The following ITGA9 variants were observed in gnomAD, a reference collection of about 807,000 sequenced individuals.
ITGA9 encodes integrin alpha-9.
A neutral mutation model predicts 127.8 loss-of-function variants in ITGA9; 56 were observed. That is an observed-to-expected ratio of 0.44 (90% CI 0.35 to 0.55). The LOEUF is 0.55. Ranked by LOEUF, ITGA9 falls within the 20% of genes least tolerant of loss-of-function variation. ITGA9 has a pLI of 0.00. For missense variants in ITGA9, 1,196 were observed against 1,347.1 expected, an observed-to-expected ratio of 0.89 and a Z score of 1.76; for synonymous variants, 508 against 514.5, an observed-to-expected ratio of 0.99 and a Z score of 0.17.
chr3:37,735,438 CGT>C (rs1696348272), intron 19 of ITGA9, among the ~76,000 whole-genome samples: 1 of 152,108 alleles, frequency 6.6e-6, no homozygotes, highest in African/African-American at 2.4e-5. Flanking sequence ...GACCAATGTC[CGT>C]TGCTTTCAGG....
At position 37,593,537 on chromosome 3, in the gene ITGA9, G is replaced by C. The variant is rs1463964340; in HGVS notation, c.1690-35650G>C. Among the ~76,000 whole-genome samples the C allele has an allele frequency of 2.0e-5, 3 of 152,172 alleles. No individual in the cohort carries two copies. The South Asian group carries it at 6.2e-4, about 32-fold the overall frequency. On this transcript the variant is annotated intron_variant, in intron 15 of 27. Transcript: ENST00000264741. Reference sequence around the variant, plus strand: ...TCCTGGCTTAGAGACGGCCACCTTCGTGCTATGTCCTCACATGGCAGGGAG... The same window carrying C: ...TCCTGGCTTAGAGACGGCCACCTTCCTGCTATGTCCTCACATGGCAGGGAG...
chr3:37,643,166 A>T (rs988201823), intron 16 of ITGA9, among the ~76,000 whole-genome samples: 3 of 152,088 alleles, frequency 2.0e-5, no homozygotes, highest in African/African-American at 7.2e-5. Flanking sequence ...GCAGGAGGGG[A>T]AAGGGGTGTT....
At position 37,820,238 on chromosome 3, in the gene ITGA9, C is replaced by G. The variant is rs1170601047; in HGVS notation, c.*1249C>G. ...CCATGAAGTTTAGCCTCAGCCTGAT[C>G]AGGGGAACTCCGGAGGAAAAGTTAG... On this transcript the variant is annotated 3_prime_UTR_variant, in exon 28 of 28. Coordinates refer to ENST00000264741, the MANE Select transcript of ITGA9 (RefSeq NM_002207.3). The G allele has an allele frequency of 6.6e-6, 1 of 152,180 alleles. No homozygotes were observed. The highest frequency in any genetic ancestry group is 1.5e-5 in the Non-Finnish European group (1 of 68,038). 9.4% of individuals were successfully genotyped at this position (152,180 alleles called of 1,614,324 possible). A position where few individuals can be genotyped will look rare whatever the true frequency, so the allele number is the denominator to read the frequency against.
chr3:37,748,076 TG>T, intron 22 of ITGA9: 1 of 407,378 alleles, frequency 2.5e-6, no homozygotes, highest in South Asian at 1.9e-5. Flanking sequence ...TTCGGCCTTT[TG>T]GCCAGAACCA....
At chr3:37,815,418 G>A (rs1697418928) in intron 27 of ITGA9, among the ~76,000 whole-genome samples, 1 of 152,118 alleles carries the variant, frequency 6.6e-6, no homozygotes, top group South Asian at 2.1e-4. Context: ...AGACCAGCCT[G>A]GCCAACAAGA....
intron 18 of ITGA9, among the ~76,000 whole-genome samples, chr3:37,728,830 G>T (rs1321023804): frequency 6.6e-6 from 1 of 151,794 alleles, no homozygotes; most frequent in Non-Finnish European, 1.5e-5. Context: ...GGACTCTCAT[G>T]AAGGGGATTT....
chr3:37,759,907 A>T (rs762899895), intron 23 of ITGA9, among the ~76,000 whole-genome samples: 9 of 149,144 alleles, frequency 6.0e-5, no homozygotes, highest in Non-Finnish European at 1.3e-4. Flanking sequence ...CCATCTCAAA[A>T]AAAAAACAAC....
At chr3:37,472,611 G>A (rs956651379) in intron 2 of ITGA9, among the ~76,000 whole-genome samples, 1 of 152,072 alleles carries the variant, frequency 6.6e-6, no homozygotes, top group African/African-American at 2.4e-5. Flanking sequence ...GGCCAGGCTG[G>A]TCTCGAACTT....
rs112980674 is a variant in ITGA9 at position 37,722,755 on chromosome 3, T to C, written c.2068-9957T>C. ...TTAGATTGTTTCCAGTTTTTGGCTA[T>C]TACAAATTATGCTGCTATCAATATT... On this transcript the variant is annotated intron_variant, in intron 18 of 27. Transcript: ENST00000264741. Among the ~76,000 whole-genome samples the C allele has an allele frequency of 2.8e-3, 419 of 152,352 alleles. 5 individuals carry two copies. The highest frequency in any genetic ancestry group is 9.5e-3 in the African/African-American group (395 of 41,584).
At chr3:37,671,091 G>A (rs929734987) in intron 17 of ITGA9, among the ~76,000 whole-genome samples, 8 of 152,254 alleles carry the variant, frequency 5.3e-5, no homozygotes, top group Non-Finnish European at 1.2e-4. Flanking sequence ...CACCGGGGCT[G>A]TCTTAGGACA....
In ITGA9 at chr3:37,799,718, C is replaced by T. The variant is rs1339104086; in HGVS notation, c.2890-4105C>T. Among the ~76,000 whole-genome samples, 2 of 152,030 alleles carry T rather than the reference C, an allele frequency of 1.3e-5. No homozygotes were observed. The highest frequency in any genetic ancestry group is 2.9e-5 in the Non-Finnish European group (2 of 67,986). On this transcript the variant is annotated intron_variant, in intron 26 of 27. Coordinates refer to ENST00000264741, the MANE Select transcript of ITGA9 (RefSeq NM_002207.3). The surrounding 1 kb of genome is among the most constrained non-coding windows in gnomAD (Gnocchi z 4.0). ...CTATCAGCAAGGAGGCCTTTCCAAG[C>T]CTCCTGAAATAGTGCTGGTGAGAGA...
At chr3:37,469,132 A>T (rs544364186) in intron 1 of ITGA9, among the ~76,000 whole-genome samples, 4 of 152,104 alleles carry the variant, frequency 2.6e-5, no homozygotes, top group Non-Finnish European at 5.9e-5. Flanking sequence ...TTCTGCACTC[A>T]CACAGGCCCA....
intron 16 of ITGA9, among the ~76,000 whole-genome samples, chr3:37,647,082 C>T (rs977437850): frequency 6.6e-6 from 1 of 152,062 alleles, no homozygotes; most frequent in Non-Finnish European, 1.5e-5. Flanking sequence ...TCAGGCTCCC[C>T]AGTGCGTGAC....
intron 15 of ITGA9, among the ~76,000 whole-genome samples, chr3:37,618,389 A>G (rs966739881): frequency 6.6e-6 from 1 of 152,204 alleles, no homozygotes; most frequent in Admixed American, 6.5e-5. Context: ...GATGCCTCCC[A>G]GTTAGGCTAC....
At chr3:37,560,222 A>G (rs1433967361) in intron 15 of ITGA9, among the ~76,000 whole-genome samples, 1 of 151,518 alleles carries the variant, frequency 6.6e-6, no homozygotes, top group Non-Finnish European at 1.5e-5. Flanking sequence ...TGTCCTTCTG[A>G]TGGTTTGCTG....
chr3:37,629,131 T>C lies in ITGA9; in HGVS notation c.1690-56T>C, dbSNP rs1248964650. On this transcript the variant is annotated intron_variant, in intron 15 of 27. Transcript: ENST00000264741. The surrounding 1 kb of genome is among the most constrained non-coding windows in gnomAD (Gnocchi z 4.5). ...AAGGTCTTTGTAAACTGTGAAATGCTCTACGACTGTCAGCCAGGATTAGTA... is the reference window on the plus strand; with the variant it reads ...AAGGTCTTTGTAAACTGTGAAATGCCCTACGACTGTCAGCCAGGATTAGTA... 1 of 1,601,532 alleles carries C rather than the reference T, an allele frequency of 6.2e-7. No homozygotes were observed. Among genetic ancestry groups the C allele is most frequent in the African/African-American group, 1.3e-5 (1 of 74,646 alleles).
chr3:37,767,345 CT>C (rs1411563690), intron 23 of ITGA9, among the ~76,000 whole-genome samples: 1 of 152,296 alleles, frequency 6.6e-6, no homozygotes, highest in African/African-American at 2.4e-5. Context: ...CTCCATACCA[CT>C]TTTCACAGGG....
intron 15 of ITGA9, among the ~76,000 whole-genome samples, chr3:37,545,698 T>A (rs899792237): frequency 1.3e-5 from 2 of 151,966 alleles, no homozygotes; most frequent in African/African-American, 4.8e-5. Flanking sequence ...ACCAGCCCAG[T>A]TTTGGGGATG....
rs372393415 is a variant in ITGA9, at chr3:37,737,740, C to T, written c.2234+757C>T. Among the ~76,000 whole-genome samples the T allele has an allele frequency of 2.6e-5, 4 of 152,294 alleles. No individual in the cohort carries two copies. The South Asian group carries it at 6.2e-4, about 24-fold the overall frequency. ...TTGATTGGGGTGGTGGTTGGACACC[C>T]AAGGCAACCTTTTCATTTTCACTTG... On this transcript the variant is annotated intron_variant, in intron 20 of 27. Transcript: ENST00000264741.
Sources: gnomAD v4.1 joint callset for allele counts (sites outside exome capture counted in the v4.1 genomes callset) on GRCh38, gnomAD v4.1.1 for gene constraint, Gnocchi (gnomAD v3.1) non-coding constraint, MANE v1.5 for transcripts, NCBI Gene and HGNC (gene_info 2026-07-23, HGNC 2026-07-21) for gene names.